Variants in ASCC3 observed in about 807,000 individuals in gnomAD.
ASCC3 encodes ASC-1 complex subunit P200.
In ASCC3, 158 loss-of-function variants were observed where a neutral mutation model predicts 256.3. The observed-to-expected ratio is 0.62, with a 90% CI of 0.54 to 0.70. The LOEUF (loss-of-function observed/expected upper bound fraction) is 0.70. Among genes scored for constraint, ASCC3 ranks in the 30% least tolerant of loss-of-function variants. The pLI is 0.00. For synonymous variants in ASCC3, 948 were observed against 883.4 expected (o/e 1.07, Z -1.30); for missense variants, 2,259 against 2,626.0 (o/e 0.86, Z 3.05).
At chr6:100,532,583 A>G (rs1377350811) in intron 37 of ASCC3, among the ~76,000 whole-genome samples, 3 of 151,778 alleles carry the variant, frequency 2.0e-5, no homozygotes, top group Non-Finnish European at 4.4e-5. Context: ...TGGTCTTTTG[A>G]TAAGAGCAGA....
intron 37 of ASCC3, among the ~76,000 whole-genome samples, chr6:100,526,254 A>C (rs377112133): frequency 7.2e-5 from 11 of 152,350 alleles, no homozygotes; most frequent in Admixed American, 3.3e-4. Flanking sequence ...AATGCAGTAC[A>C]AATTAAAGTT....
At chr6:100,608,099 C>CATATATGT (rs1773031115) in intron 30 of ASCC3, among the ~76,000 whole-genome samples, 1 of 118,402 alleles carries the variant, frequency 8.4e-6, no homozygotes, top group Non-Finnish European at 1.7e-5. Flanking sequence ...TCTATATACA[C>CATATATGT]ATATATATGT....
intron 4 of ASCC3, among the ~76,000 whole-genome samples, chr6:100,812,204 G>A (rs1292550116): frequency 6.6e-6 from 1 of 152,016 alleles, no homozygotes; most frequent in Non-Finnish European, 1.5e-5. Context: ...GGAAACATGG[G>A]ACAAATATCC....
At chr6:100,662,062 TAAAC>T in intron 15 of ASCC3, 32 bp from the exon 16 acceptor site, 1 of 1,571,132 alleles carries the variant, frequency 6.4e-7, no homozygotes, top group Non-Finnish European at 8.8e-7. Flanking sequence ...AAAATTTACA[TAAAC>T]ACACACAAAT....
intron 4 of ASCC3, among the ~76,000 whole-genome samples, chr6:100,819,798 TG>T (rs1770949265): frequency 6.6e-6 from 1 of 152,132 alleles, no homozygotes. Context: ...CCCAGTCCAC[TG>T]ACTCAAATTT....
chr6:100,718,886 C>T (rs981092127), intron 11 of ASCC3, among the ~76,000 whole-genome samples: 2 of 151,952 alleles, frequency 1.3e-5, no homozygotes, highest in Admixed American at 6.6e-5. Flanking sequence ...ATGTAACATA[C>T]CTAAAAAGAT....
At chr6:100,510,263 TG>T in intron 40 of ASCC3, 156 bp from the exon 41 acceptor site, 2 of 773,534 alleles carry the variant, frequency 2.6e-6, no homozygotes, top group Non-Finnish European at 4.2e-6. Flanking sequence ...CATTCTGGTT[TG>T]GTGTCTTTGA....
chr6:100,802,473 CTG>C (rs1448453658), intron 5 of ASCC3, among the ~76,000 whole-genome samples: 2 of 152,104 alleles, frequency 1.3e-5, no homozygotes, highest in African/African-American at 4.8e-5. Flanking sequence ...TCCTGCAGAA[CTG>C]TGAGCCAATT....
intron 10 of ASCC3, among the ~76,000 whole-genome samples, chr6:100,750,927 A>C (rs778117642): frequency 7.9e-5 from 12 of 151,990 alleles, no homozygotes; most frequent in African/African-American, 1.2e-4. Context: ...TCTGATGGTC[A>C]CCTTGGGGCA....
intron 37 of ASCC3, among the ~76,000 whole-genome samples, chr6:100,535,465 T>TG (rs1775112225): frequency 7.8e-6 from 1 of 128,202 alleles, no homozygotes. Flanking sequence ...CTGGTTTTCG[T>TG]GTTTTTTTTT....
intron 10 of ASCC3, among the ~76,000 whole-genome samples, chr6:100,735,896 CAT>C (rs1780132117): frequency 6.6e-6 from 1 of 152,132 alleles, no homozygotes; most frequent in Admixed American, 6.6e-5. Flanking sequence ...TTTCTCAAAC[CAT>C]ATACCGTAGT....
intron 10 of ASCC3, among the ~76,000 whole-genome samples, chr6:100,744,966 G>A (rs1426859354): frequency 1.3e-5 from 2 of 152,148 alleles, no homozygotes; most frequent in East Asian, 1.9e-4. Context: ...AAAGGGGAGT[G>A]GAGTGACTTA....
chr6:100,717,745 T>C (rs944427388), intron 12 of ASCC3, among the ~76,000 whole-genome samples: 1 of 152,108 alleles, frequency 6.6e-6, no homozygotes, highest in Non-Finnish European at 1.5e-5. Context: ...GGAGTTTTTA[T>C]TATTCCACAA....
chr6:100,693,288 G>A (rs1374794457), intron 13 of ASCC3, among the ~76,000 whole-genome samples: 2 of 151,896 alleles, frequency 1.3e-5, no homozygotes, highest in African/African-American at 4.8e-5. Flanking sequence ...GGTCTGTATA[G>A]TGAAGGTAGT....
At chr6:100,582,660 G>A (rs1343061127) in intron 36 of ASCC3, among the ~76,000 whole-genome samples, 4 of 151,882 alleles carry the variant, frequency 2.6e-5, no homozygotes, top group Non-Finnish European at 5.9e-5. Flanking sequence ...TCCCTGTCTT[G>A]TGCCAGTTTT....
rs575153332 is a variant in ASCC3 at position 100,746,632 on chromosome 6, G to A, written c.1737+19933C>T. Among the ~76,000 whole-genome samples, 317 of 152,050 alleles carry A rather than the reference G, an allele frequency of 2.1e-3. 2 individuals are homozygous for A. The highest frequency in any genetic ancestry group is 2.2e-3 in the Non-Finnish European group (150 of 67,988). ...TTGCACTTTTATAACATTCTTTGCT[G>A]TTATCATTACAAGGTAAAATTATAT... On this transcript the variant is annotated intron_variant, in intron 10 of 41. Coordinates refer to ENST00000369162, the MANE Select transcript of ASCC3 (RefSeq NM_006828.4).
At chr6:100,841,817 A>C (rs1443615328) in intron 4 of ASCC3, among the ~76,000 whole-genome samples, 3 of 152,164 alleles carry the variant, frequency 2.0e-5, no homozygotes, top group African/African-American at 7.2e-5. Context: ...TAGGAGTATT[A>C]TCAGTTAGCA....
chr6:100,717,238 G>A (rs12665593), intron 12 of ASCC3, among the ~76,000 whole-genome samples: 11,867 of 151,832 alleles, frequency 0.078, 595 homozygotes, highest in East Asian at 0.15. Context: ...ACCTATAATA[G>A]TACAAGGTAA....
chr6:100,627,677 G>A lies in ASCC3; in HGVS notation c.4555C>T (p.Pro1519Ser). 6.2e-7 allele frequency: 1 copy of A among 1,613,588 alleles called. No individual in the cohort carries two copies. Among genetic ancestry groups the A allele is most frequent in the East Asian group, 2.2e-5 (1 of 44,844 alleles). The change falls in exon 29 of 42, where the codon CCA becomes TCA. Residue 1519 changes from proline (P) to serine (S), a missense_variant. This residue lies in a region of ASCC3 where 1,839 missense variants were observed against 2,206.7 expected (regional missense o/e 0.83). Transcript: ENST00000369162. The part of the protein sequence containing the change: ...GLFNFRPSVR[P>S]VPLEVHIQGF... ...TGAATGTGAACTTCCAGTGGAACTG[G>A]GCGTACTGATGGTCGGAAGTTAAAC...
Sources: gnomAD v4.1 joint callset for allele counts (sites outside exome capture counted in the v4.1 genomes callset) on GRCh38, gnomAD v4.1.1 for gene constraint, gnomAD v4.1.1 regional missense constraint, MANE v1.5 for transcripts, NCBI Gene and HGNC (gene_info 2026-07-23, HGNC 2026-07-21) for gene names.